STIMATE: variants seen among roughly 807,000 people sequenced by gnomAD.
The protein encoded by STIMATE is store-operated calcium entry regulator STIMATE.
STIMATE carries 15 observed loss-of-function variants against 36.7 expected under a neutral mutation model. That is an observed-to-expected ratio of 0.41 (90% CI 0.27 to 0.63). The LOEUF (loss-of-function observed/expected upper bound fraction) is 0.63, where lower values mean the gene tolerates loss of function less well. STIMATE is among the 20% of genes least tolerant of loss of function. The pLI is 0.32. For missense variants in STIMATE, 305 were observed against 397.3 expected, an observed-to-expected ratio of 0.77 and a Z score of 1.98; for synonymous variants, 163 against 162.3, an observed-to-expected ratio of 1.00 and a Z score of -0.03.
chr3:52,854,487 C>T (rs187482925), intron 2 of STIMATE, among the ~76,000 whole-genome samples: 24 of 152,370 alleles, frequency 1.6e-4, no homozygotes, highest in Admixed American at 1.6e-3. Context: ...CTGGTGAACA[C>T]ATCCATGTGC....
chr3:52,849,775 C>T lies in STIMATE; in HGVS notation c.427+17G>A. On this transcript the variant is annotated intron_variant, in intron 4 of 7. Coordinates refer to ENST00000355083, the MANE Select transcript of STIMATE (RefSeq NM_198563.5). ...AGCAGTTCCCTCACGCCCTGTCCGG[C>T]ATCCACAGCATATTACCATATTCGC... 6.2e-7 allele frequency: 1 copy of T among 1,608,760 alleles called. No individual in the cohort carries two copies. Among genetic ancestry groups the T allele is most frequent in the Non-Finnish European group, 8.5e-7 (1 of 1,178,554 alleles).
intron 1 of STIMATE, among the ~76,000 whole-genome samples, chr3:52,868,890 G>A (rs1701356719): frequency 6.6e-6 from 1 of 152,168 alleles, no homozygotes; most frequent in African/African-American, 2.4e-5. Flanking sequence ...AAAGTGCTGA[G>A]ATTACAGGTG....
At chr3:52,868,751 T>C (rs1701353112) in intron 1 of STIMATE, among the ~76,000 whole-genome samples, 1 of 152,190 alleles carries the variant, frequency 6.6e-6, no homozygotes, top group Admixed American at 6.5e-5. Context: ...GCCTCCTGAG[T>C]AGCTGGGATT....
intron 2 of STIMATE, among the ~76,000 whole-genome samples, chr3:52,853,886 G>A (rs1483442625): frequency 6.6e-6 from 1 of 152,222 alleles, no homozygotes; most frequent in East Asian, 1.9e-4. Context: ...GCCTAAAACA[G>A]GCAGCTTCTT....
At position 52,897,437 on chromosome 3, in the gene STIMATE, G is replaced by A. The variant is rs1471661472; in HGVS notation, c.14C>T (p.Ala5Val). ...TGGCAGTCCCCGGCTCGCGTTCCCGGCGGGGCCCTGCATGACAGGCCTCGC... is the reference window on the plus strand; with the variant it reads ...TGGCAGTCCCCGGCTCGCGTTCCCGACGGGGCCCTGCATGACAGGCCTCGC... MQGP[A>V]GNASRGLPGG... Residue 5 changes from alanine to valine, a missense_variant, in exon 1 of 8, where the codon GCC becomes GTC. By Grantham distance (64) the Ala-to-Val change is moderately conservative. This residue lies in a region of STIMATE where 57 missense variants were observed against 57.1 expected (regional missense o/e 1.00). Coordinates refer to ENST00000355083, the MANE Select transcript of STIMATE (RefSeq NM_198563.5). 4.0e-5 allele frequency: 57 copies of A among 1,427,668 alleles called. No homozygotes were observed. In the Middle Eastern group the frequency reaches 1.3e-3, roughly 34 times the overall value. The allele number at this position is 1,427,668 out of a possible 1,614,324, so 88.4% of individuals were successfully genotyped here. A position where few individuals can be genotyped will look rare whatever the true frequency, so the allele number is the denominator to read the frequency against.
At chr3:52,864,656 C>T (rs1413057615) in intron 1 of STIMATE, among the ~76,000 whole-genome samples, 1 of 152,210 alleles carries the variant, frequency 6.6e-6, no homozygotes, top group Non-Finnish European at 1.5e-5. Flanking sequence ...TTATGCTCTG[C>T]TTCCCTTACA....
chr3:52,883,115 C>T (rs1331599210), intron 1 of STIMATE, among the ~76,000 whole-genome samples: 1 of 152,220 alleles, frequency 6.6e-6, no homozygotes, highest in Non-Finnish European at 1.5e-5. Context: ...TTGGAATGGT[C>T]ATTACCAGGT....
chr3:52,844,685 G>A lies in STIMATE; in HGVS notation c.540+144C>T, dbSNP rs903527522. 30 of 812,706 alleles carry A rather than the reference G, an allele frequency of 3.7e-5. No homozygotes were observed. In the African/African-American group the frequency reaches 4.8e-4, roughly 13 times the overall value. 50.3% of individuals were successfully genotyped at this position (812,706 alleles called of 1,614,324 possible). The stretch of plus-strand genomic sequence containing the variant: ...AAGAATTGACAAGCTCTTTGGAGTA[G>A]TTGCCACATCAGACCAAATGCAGGA... On this transcript the variant is annotated intron_variant, in intron 5 of 7. Transcript: ENST00000355083.
intron 1 of STIMATE, among the ~76,000 whole-genome samples, chr3:52,866,894 GAGATTAAAC>G (rs1701322835): frequency 6.6e-6 from 1 of 152,200 alleles, no homozygotes; most frequent in Non-Finnish European, 1.5e-5. Context: ...CAACTGTCTT[GAGATTAAAC>G]ACTCAATTTA....
At chr3:52,869,397 A>C (rs1036689759) in intron 1 of STIMATE, among the ~76,000 whole-genome samples, 2 of 152,138 alleles carry the variant, frequency 1.3e-5, no homozygotes, top group African/African-American at 4.8e-5. Flanking sequence ...GGCATCTCCC[A>C]CCTTAGTGCT....
At chr3:52,849,070 G>A (rs568124424) in intron 4 of STIMATE, among the ~76,000 whole-genome samples, 1 of 152,310 alleles carries the variant, frequency 6.6e-6, no homozygotes, top group East Asian at 1.9e-4. Flanking sequence ...CTCTTTGGGA[G>A]GCATGACCAG....
intron 4 of STIMATE, chr3:52,847,079 A>AAT: frequency 3.3e-5 from 11 of 332,506 alleles, no homozygotes; most frequent in Non-Finnish European, 4.7e-5. Context: ...ATTAAAAAAA[A>AAT]TTTTTTTTTT....
chr3:52,865,997 G>A (rs1172665728), intron 1 of STIMATE, among the ~76,000 whole-genome samples: 19 of 152,174 alleles, frequency 1.2e-4, no homozygotes, highest in Admixed American at 1.1e-3. Context: ...TTTCATTAGA[G>A]GCTACATGGC....
intron 5 of STIMATE, 37 bp downstream of exon 5, chr3:52,844,792 C>T (rs752918177): frequency 1.5e-5 from 24 of 1,606,736 alleles, no homozygotes; most frequent in Middle Eastern, 1.7e-4. Context: ...GCTTGCTCAG[C>T]GTGGCAAGGA....
intron 1 of STIMATE, among the ~76,000 whole-genome samples, chr3:52,896,470 C>CA (rs1701867045): frequency 6.6e-6 from 1 of 152,096 alleles, no homozygotes. Flanking sequence ...AGCCCCCCCC[C>CA]ACCCCCCATC....
intron 7 of STIMATE, among the ~76,000 whole-genome samples, chr3:52,842,105 C>T (rs1020351619): frequency 6.6e-6 from 1 of 152,246 alleles, no homozygotes; most frequent in African/African-American, 2.4e-5. Flanking sequence ...TGTCCACCTG[C>T]ACCTCACCCA....
At chr3:52,869,945 T>C (rs1402788535) in intron 1 of STIMATE, among the ~76,000 whole-genome samples, 3 of 152,194 alleles carry the variant, frequency 2.0e-5, no homozygotes, top group Non-Finnish European at 4.4e-5. Context: ...TAAAACAATA[T>C]ACTTAAGAGT....
chr3:52,852,994 A>C (rs1353414803), intron 2 of STIMATE, among the ~76,000 whole-genome samples: 40 of 152,242 alleles, frequency 2.6e-4, no homozygotes, highest in Admixed American at 2.6e-3. Flanking sequence ...ATGAAGCCCA[A>C]GGTGCCTCTA....
intron 1 of STIMATE, among the ~76,000 whole-genome samples, chr3:52,888,797 A>T (rs1475857845): frequency 1.3e-5 from 2 of 152,232 alleles, no homozygotes; most frequent in African/African-American, 2.4e-5. Context: ...TTCTGCATAC[A>T]AGAAATAAAG....
Sources: gnomAD v4.1 joint callset for allele counts (sites outside exome capture counted in the v4.1 genomes callset) on GRCh38, gnomAD v4.1.1 for gene constraint, gnomAD v4.1.1 regional missense constraint, MANE v1.5 for transcripts, NCBI Gene and HGNC (gene_info 2026-07-23, HGNC 2026-07-21) for gene names.